Variants in DGKB observed in about 807,000 individuals in gnomAD.
The protein encoded by DGKB is diacylglycerol kinase beta, also known as 90 kDa diacylglycerol kinase.
Under a neutral mutation model 114.3 loss-of-function variants are expected in DGKB, and 67 were observed. The ratio of observed to expected loss-of-function variants is 0.59; its 90% CI spans 0.48 to 0.72. The LOEUF (loss-of-function observed/expected upper bound fraction) is 0.72. Among genes scored for constraint, DGKB ranks in the 30% least tolerant of loss-of-function variants. DGKB has a pLI of 0.00. For synonymous variants in DGKB, 398 were observed against 323.1 expected (o/e 1.23, Z -2.49); for missense variants, 907 against 975.2 (o/e 0.93, Z 0.93).
intron 20 of DGKB, among the ~76,000 whole-genome samples, chr7:14,497,702 T>C (rs1227758298): frequency 6.6e-6 from 1 of 151,930 alleles, no homozygotes; most frequent in Admixed American, 6.6e-5. Context: ...TTATTGAATG[T>C]TGTATGTTAT....
chr7:14,661,664 A>G (rs941952466), intron 13 of DGKB, among the ~76,000 whole-genome samples: 1 of 152,020 alleles, frequency 6.6e-6, no homozygotes, highest in African/African-American at 2.4e-5. Context: ...TCAGGGATCT[A>G]GAACTAGAAA....
intron 13 of DGKB, among the ~76,000 whole-genome samples, chr7:14,663,263 T>C (rs781073382): frequency 1.4e-4 from 21 of 152,042 alleles, no homozygotes; most frequent in Non-Finnish European, 1.9e-4. Context: ...TGTCTGGTGT[T>C]ATCTCCTGAT....
At chr7:14,942,265 C>T (rs572291880) in intron 1 of DGKB, among the ~76,000 whole-genome samples, 13 of 151,964 alleles carry the variant, frequency 8.6e-5, no homozygotes, top group African/African-American at 2.7e-4. Context: ...AAGTCTTCAT[C>T]CCTTTTCAAA....
intron 5 of DGKB, among the ~76,000 whole-genome samples, chr7:14,724,745 TA>T (rs924757443): frequency 6.6e-6 from 1 of 152,202 alleles, no homozygotes; most frequent in African/African-American, 2.4e-5. Context: ...AGTCAGTAAG[TA>T]AACTGTTCGT....
At chr7:14,571,306 T>C (rs1440218772) in intron 20 of DGKB, among the ~76,000 whole-genome samples, 4 of 152,214 alleles carry the variant, frequency 2.6e-5, no homozygotes, top group African/African-American at 9.6e-5. Context: ...ACAAGTAGAT[T>C]CATTGTCAGT....
At chr7:14,492,817 T>C (rs575903095) in intron 20 of DGKB, among the ~76,000 whole-genome samples, 1 of 152,200 alleles carries the variant, frequency 6.6e-6, no homozygotes, top group Non-Finnish European at 1.5e-5. Context: ...CTCAATACAA[T>C]TACACATTTA....
chr7:14,656,730 A>G (rs1175858461), intron 13 of DGKB, among the ~76,000 whole-genome samples: 1 of 133,364 alleles, frequency 7.5e-6, no homozygotes, highest in African/African-American at 2.9e-5. Flanking sequence ...TAGGATATAT[A>G]TACAGTATAT....
chr7:14,717,359 T>A (rs189037705), intron 6 of DGKB, among the ~76,000 whole-genome samples: 1 of 152,258 alleles, frequency 6.6e-6, no homozygotes, highest in Admixed American at 6.5e-5. Context: ...CTGAGCAAAC[T>A]TTCTCTCTGG....
intron 1 of DGKB, among the ~76,000 whole-genome samples, chr7:14,927,915 C>A (rs1784825757): frequency 6.6e-6 from 1 of 151,748 alleles, no homozygotes; most frequent in African/African-American, 2.4e-5. Context: ...ACAAGAATTA[C>A]ATTATTGGCT....
intron 1 of DGKB, among the ~76,000 whole-genome samples, chr7:14,898,498 A>G (rs1435757486): frequency 1.3e-5 from 2 of 152,230 alleles, no homozygotes; most frequent in African/African-American, 2.4e-5. Context: ...TAAGGGTATG[A>G]TCAAGATTAA....
intron 6 of DGKB, among the ~76,000 whole-genome samples, chr7:14,702,077 T>G (rs1825295266): frequency 2.0e-5 from 3 of 151,938 alleles, no homozygotes. Flanking sequence ...AAGAGCAGAG[T>G]GCATAAGGAA....
chr7:14,898,998 G>C (rs1463586495), intron 1 of DGKB, among the ~76,000 whole-genome samples: 2 of 152,102 alleles, frequency 1.3e-5, no homozygotes, highest in African/African-American at 4.8e-5. Flanking sequence ...AATTTCGGCT[G>C]TTTAAATTTA....
chr7:14,785,428 T>C (rs1250288772), intron 2 of DGKB, among the ~76,000 whole-genome samples: 3 of 152,120 alleles, frequency 2.0e-5, no homozygotes, highest in Non-Finnish European at 4.4e-5. Flanking sequence ...ATCAAAATCA[T>C]ATGTATACAT....
intron 1 of DGKB, among the ~76,000 whole-genome samples, chr7:14,872,586 T>A (rs568632961): frequency 1.3e-5 from 2 of 152,268 alleles, no homozygotes; most frequent in Non-Finnish European, 2.9e-5. Flanking sequence ...TTTTGGTGAA[T>A]GTTTATAAAG....
At chr7:14,191,600 A>G (rs998725981) in intron 23 of DGKB, 11 of 250,006 alleles carry the variant, frequency 4.4e-5, no homozygotes, top group Non-Finnish European at 9.3e-5. Context: ...TGACTGGGTT[A>G]CCTTTGCTCC....
At chr7:14,431,317 CTG>C (rs1418975579) in intron 21 of DGKB, among the ~76,000 whole-genome samples, 1 of 152,104 alleles carries the variant, frequency 6.6e-6, no homozygotes, top group African/African-American at 2.4e-5. Context: ...TCTACTGAGA[CTG>C]TGATATAACT....
intron 21 of DGKB, among the ~76,000 whole-genome samples, chr7:14,434,099 A>G (rs1461651579): frequency 1.3e-5 from 2 of 152,190 alleles, no homozygotes; most frequent in African/African-American, 4.8e-5. Flanking sequence ...TTTTTGGAGT[A>G]TAAGATAGTT....
intron 2 of DGKB, among the ~76,000 whole-genome samples, chr7:14,804,916 A>T (rs1277526906): frequency 6.6e-6 from 1 of 151,662 alleles, no homozygotes; most frequent in Non-Finnish European, 1.5e-5. Context: ...TTATCTATTT[A>T]TATGTTTTCT....
At chr7:14,937,072 ACAT>A (rs1410088160) in intron 1 of DGKB, among the ~76,000 whole-genome samples, 81 of 105,950 alleles carry the variant, frequency 7.6e-4, no homozygotes, top group Non-Finnish European at 3.0e-4. Flanking sequence ...ACACACACAC[ACAT>A]CTTTTGTTAA....
Sources: allele counts gnomAD v4.1 joint callset (sites outside exome capture counted in the v4.1 genomes callset), GRCh38; gene constraint gnomAD v4.1.1; transcripts MANE v1.5; gene names NCBI Gene and HGNC (gene_info 2026-07-23, HGNC 2026-07-21).